Variants in DOCK5 observed in about 807,000 individuals in gnomAD.
DOCK5 encodes the protein dedicator of cytokinesis 5, also known as dedicator of cytokinesis protein 5.
In DOCK5, 142 loss-of-function variants were observed where a neutral mutation model predicts 251.8. The observed-to-expected ratio is 0.56, with a 90% CI of 0.49 to 0.65. DOCK5 has a LOEUF of 0.65. Ranked by LOEUF, DOCK5 falls within the 30% of genes least tolerant of loss-of-function variation. DOCK5 has a pLI of 0.00. For synonymous variants in DOCK5, 842 were observed against 835.5 expected (o/e 1.01, Z -0.13); for missense variants, 2,111 against 2,312.3 (o/e 0.91, Z 1.79).
intron 43 of DOCK5, 36 bp from the exon 44 acceptor site, chr8:25,392,760 T>A (rs766484414): frequency 3.2e-6 from 5 of 1,563,382 alleles, no homozygotes; most frequent in Non-Finnish European, 4.4e-6. Flanking sequence ...CTCCTGGGAA[T>A]TGACCAACAT....
intron 18 of DOCK5, 103 bp downstream of exon 18, chr8:25,325,650 T>A (rs1805546861): frequency 2.2e-6 from 3 of 1,384,314 alleles, no homozygotes; most frequent in Non-Finnish European, 2.9e-6. Flanking sequence ...TGGGTCTTAT[T>A]AGGTAGGATG....
At chr8:25,190,910 C>T (rs2117440332) in intron 1 of DOCK5, among the ~76,000 whole-genome samples, 1 of 151,510 alleles carries the variant, frequency 6.6e-6, no homozygotes, top group East Asian at 1.9e-4. Flanking sequence ...CAGCCTCCCG[C>T]ATAGCTGTGA....
At chr8:25,236,798 C>G (rs1802810882) in intron 1 of DOCK5, among the ~76,000 whole-genome samples, 1 of 151,740 alleles carries the variant, frequency 6.6e-6, no homozygotes, top group Non-Finnish European at 1.5e-5. Flanking sequence ...GGGGTTTTAC[C>G]ATGTTGGCCA....
rs13253074 is a variant in DOCK5, at chr8:25,414,718, G to C, written c.*3420G>C. 6.6e-6 allele frequency: 1 copy of C among 152,080 alleles called. No individual in the cohort carries two copies. Among genetic ancestry groups the C allele is most frequent in the African/African-American group, 2.4e-5 (1 of 41,422 alleles). 9.4% of individuals were successfully genotyped at this position (152,080 alleles called of 1,614,324 possible). A position where few individuals can be genotyped will look rare whatever the true frequency, so the allele number is the denominator to read the frequency against. Reference sequence around the variant, plus strand: ...GACATACACTGTTTTCAGCACCCCAGAAAGTTCCCACATGCCCATGGTGCC... The same window carrying C: ...GACATACACTGTTTTCAGCACCCCACAAAGTTCCCACATGCCCATGGTGCC... On this transcript the variant is annotated 3_prime_UTR_variant, in exon 52 of 52. Transcript: ENST00000276440.
chr8:25,387,088 A>G (rs1186822425), intron 40 of DOCK5, among the ~76,000 whole-genome samples: 1 of 152,170 alleles, frequency 6.6e-6, no homozygotes, highest in East Asian at 1.9e-4. Context: ...CAGAATATTT[A>G]AAATTACATC....
At position 25,325,544 on chromosome 8, in the gene DOCK5, A is replaced by G; in HGVS notation, c.1900A>G (p.Asn634Asp). The G allele has an allele frequency of 1.2e-6, 2 of 1,613,280 alleles. No individual in the cohort carries two copies. The highest frequency in any genetic ancestry group is 1.7e-6 in the Non-Finnish European group (2 of 1,179,528). ...TLICSTKLTQ[N>D]VDLLGLLNWR... ...CATCTGCTCCACAAAGCTCACCCAGAATGGTAGGAGTGGTGAATACACTGA... is the reference window on the plus strand; with the variant it reads ...CATCTGCTCCACAAAGCTCACCCAGGATGGTAGGAGTGGTGAATACACTGA... Residue 634 changes from asparagine to aspartate, a missense_variant, in exon 18 of 52, where the codon AAT (asparagine) becomes GAT (aspartate). Around this residue, in one of 3 missense-constraint regions of DOCK5, gnomAD observed 1,717 missense variants for 1,892.4 expected, o/e 0.91. Coordinates refer to ENST00000276440, the MANE Select transcript of DOCK5 (RefSeq NM_024940.8).
chr8:25,345,597 G>A lies in DOCK5; in HGVS notation c.2740G>A (p.Asp914Asn). ...QLLSNILEVL[D>N]RKDVGATAVH... ...TCTGAGCAACATCCTGGAGGTGCTG[G>A]ACAGGAAGGATGTGGTGAGTTGAGT... The change falls in exon 26 of 52, where the codon GAC becomes AAC. Residue 914 changes from aspartate to asparagine, a missense_variant. Coordinates refer to ENST00000276440, the MANE Select transcript of DOCK5 (RefSeq NM_024940.8). The A allele has an allele frequency of 1.2e-6, 2 of 1,613,788 alleles. No individual in the cohort carries two copies. Among genetic ancestry groups the A allele is most frequent in the African/African-American group, 1.3e-5 (1 of 75,064 alleles).
chr8:25,235,718 C>T (rs78876476), intron 1 of DOCK5, among the ~76,000 whole-genome samples: 14,926 of 152,000 alleles, frequency 0.098, 2,040 homozygotes, highest in African/African-American at 0.31. Context: ...CTGAGAAATA[C>T]CCCTCCAGTT....
intron 12 of DOCK5, 146 bp downstream of exon 12, chr8:25,309,071 G>A: frequency 9.3e-7 from 1 of 1,076,956 alleles, no homozygotes; most frequent in Non-Finnish European, 1.3e-6. Context: ...TCCAACCACA[G>A]GCTTTTAATA....
chr8:25,197,016 T>C (rs892974292), intron 1 of DOCK5, among the ~76,000 whole-genome samples: 1 of 150,324 alleles, frequency 6.7e-6, no homozygotes, highest in Non-Finnish European at 1.5e-5. Context: ...CTGGGCAACA[T>C]AGTGAGACCC....
chr8:25,278,809 A>T (rs959579333), intron 5 of DOCK5, 144 bp downstream of exon 5: 2 of 748,898 alleles, frequency 2.7e-6, no homozygotes, highest in African/African-American at 1.8e-5. Context: ...GATAAGCAGC[A>T]GATTCTCATT....
chr8:25,270,949 T>C (rs1355252073), intron 3 of DOCK5: 2 of 556,042 alleles, frequency 3.6e-6, no homozygotes, highest in Non-Finnish European at 6.6e-6. Context: ...AAATGCTATG[T>C]AAGTAGTTAT....
intron 26 of DOCK5, among the ~76,000 whole-genome samples, chr8:25,348,126 T>A (rs183055318): frequency 2.8e-3 from 422 of 152,354 alleles, no homozygotes; most frequent in African/African-American, 9.7e-3. Flanking sequence ...ACTAGTTCAA[T>A]ATCTCTTCTC....
rs181379786 is a variant in DOCK5, at chr8:25,332,768, T to C, written c.2091+76T>C. The C allele has an allele frequency of 7.1e-4, 763 of 1,072,386 alleles. 1 individual carries two copies. The highest frequency in any genetic ancestry group is 2.0e-3 in the Admixed American group (75 of 37,094). The allele number at this position is 1,072,386 out of a possible 1,614,324, so 66.4% of individuals were successfully genotyped here. A position where few individuals can be genotyped will look rare whatever the true frequency, so the allele number is the denominator to read the frequency against. On this transcript the variant is annotated intron_variant, in intron 20 of 51. Coordinates refer to ENST00000276440, the MANE Select transcript of DOCK5 (RefSeq NM_024940.8). ...TTCAATATTTCACTATTATAAGTGA[T>C]TGTGTGAATATCTTCTCACATAAAT...
intron 6 of DOCK5, among the ~76,000 whole-genome samples, chr8:25,292,671 A>C (rs1804523550): frequency 1.3e-5 from 2 of 152,074 alleles, no homozygotes; most frequent in South Asian, 4.2e-4. Context: ...CTGGAGGTTC[A>C]AGGCTGCAGT....
intron 21 of DOCK5, among the ~76,000 whole-genome samples, 152 bp from the exon 22 acceptor site, chr8:25,336,087 A>G (rs147802237): frequency 1.3e-5 from 2 of 152,216 alleles, no homozygotes; most frequent in African/African-American, 2.4e-5. Context: ...ATTGGAAAAG[A>G]GTTAATTTTG....
At position 25,275,432 on chromosome 8, in the gene DOCK5, A is replaced by G. The variant is rs765139506; in HGVS notation, c.215A>G (p.Glu72Gly). 9 of 1,610,552 alleles carry G rather than the reference A, an allele frequency of 5.6e-6. No homozygotes were observed. The East Asian group carries it at 1.6e-4, about 28-fold the overall frequency. The change falls in exon 4 of 52, where the codon GAA becomes GGA. Residue 72 changes from glutamate to glycine, a missense_variant. By Grantham distance (98) the Glu-to-Gly change is moderately conservative. Around this residue, in one of 3 missense-constraint regions of DOCK5, gnomAD observed 335 missense variants for 324.9 expected, o/e 1.03. Coordinates refer to ENST00000276440, the MANE Select transcript of DOCK5 (RefSeq NM_024940.8). ...TYIHLKEATV[E>G]DLGQHETVIP... ...ATCCATTTGAAAGAGGCAACTGTGG[A>G]AGACCTGGGGTAAGTTCCAAGCTAG...
chr8:25,225,071 T>C (rs968772323), intron 1 of DOCK5, among the ~76,000 whole-genome samples: 2 of 152,126 alleles, frequency 1.3e-5, no homozygotes, highest in Admixed American at 6.5e-5. Flanking sequence ...ATGGCTGTTA[T>C]CAAAAACAAA....
intron 13 of DOCK5, among the ~76,000 whole-genome samples, chr8:25,311,097 T>C: frequency 6.6e-6 from 1 of 152,360 alleles, no homozygotes; most frequent in African/African-American, 2.4e-5. Flanking sequence ...TGTTTCATCT[T>C]CTTTCTAGTG....
Sources: gnomAD v4.1 joint callset for allele counts (sites outside exome capture counted in the v4.1 genomes callset) on GRCh38, gnomAD v4.1.1 for gene constraint, gnomAD v4.1.1 regional missense constraint, MANE v1.5 for transcripts, NCBI Gene and HGNC (gene_info 2026-07-23, HGNC 2026-07-21) for gene names.